Variants in ADGRG4 observed in about 807,000 individuals in gnomAD.
ADGRG4 encodes adhesion G protein-coupled receptor G4, also known as G protein-coupled receptor 112.
In ADGRG4, 122 loss-of-function variants were observed where a neutral mutation model predicts 126.2. The observed-to-expected ratio is 0.97, with a 90% CI of 0.83 to 1.12. The LOEUF (loss-of-function observed/expected upper bound fraction) is 1.12, where lower values mean the gene tolerates loss of function less well. Ranked by LOEUF, ADGRG4 falls within the 50% of genes most tolerant of loss-of-function variation. The pLI is 0.00. For missense variants in ADGRG4, 2,481 were observed against 2,251.8 expected (o/e 1.10, Z -2.06); for synonymous variants, 943 against 838.7 (o/e 1.12, Z -2.15).
chrX:136,396,727 T>A (rs1454979363), intron 19 of ADGRG4, among the ~76,000 whole-genome samples: 3 of 109,691 alleles, frequency 2.7e-5, no homozygotes, highest in Non-Finnish European at 5.7e-5. Context: ...GAAATGTGAA[T>A]GACTGGAATA....
At chrX:136,337,805 A>G (rs984510577) in intron 5 of ADGRG4, among the ~76,000 whole-genome samples, 2 of 112,063 alleles carry the variant, frequency 1.8e-5, no homozygotes, top group African/African-American at 6.5e-5. Context: ...CCTTCCTGGA[A>G]TTTGTTTAGC....
chrX:136,413,238 C>G (rs1382358377), intron 24 of ADGRG4, among the ~76,000 whole-genome samples: 2 of 101,312 alleles, frequency 2.0e-5, no homozygotes, highest in African/African-American at 3.6e-5. Flanking sequence ...TCCCTCCCCC[C>G]TCCCCGCACC....
chrX:136,382,453 G>A (rs1202264806), intron 15 of ADGRG4, among the ~76,000 whole-genome samples: 2 of 112,170 alleles, frequency 1.8e-5, no homozygotes, highest in African/African-American at 3.2e-5. Flanking sequence ...TCATGTGGTC[G>A]TAGCTGGTAT....
intron 2 of ADGRG4, among the ~76,000 whole-genome samples, chrX:136,304,537 A>G (rs2074721473): frequency 8.9e-6 from 1 of 112,185 alleles, no homozygotes; most frequent in Non-Finnish European, 1.9e-5. Flanking sequence ...ATTTCAGCAA[A>G]CATTAATTAA....
At chrX:136,386,936 G>A (rs1168954406) in intron 15 of ADGRG4, among the ~76,000 whole-genome samples, 1 of 112,086 alleles carries the variant, frequency 8.9e-6, no homozygotes, top group Non-Finnish European at 1.9e-5. Context: ...AAATTTATTG[G>A]TTCACAGTTC....
intron 18 of ADGRG4, among the ~76,000 whole-genome samples, chrX:136,394,513 C>T (rs1242537807): frequency 9.0e-6 from 1 of 111,707 alleles, no homozygotes; most frequent in African/African-American, 3.3e-5. Flanking sequence ...TTCTTTCTGA[C>T]AAACAAAAAT....
At chrX:136,413,432 G>A (rs2075457985) in intron 24 of ADGRG4, among the ~76,000 whole-genome samples, 1 of 110,570 alleles carries the variant, frequency 9.0e-6, no homozygotes, top group African/African-American at 3.3e-5. Context: ...CATTTTTTAT[G>A]GCTGCATAGT....
Position 136,345,571 on chromosome X carries a change from T to A in ADGRG4, c.1865T>A (p.Leu622Ter). The change falls in exon 6 of 26, where the codon TTG becomes TAG. Residue 622 changes from leucine (L) to a stop codon, truncating the protein, a stop_gained. Transcript: ENST00000394143. LOFTEE classifies it high-confidence loss of function. ...TPTADGHLLT[L>*]MSTRSASTSK... ...ACAGCTGATGGACACTTGCTTACTT[T>A]GATGTCCACTAGATCAGCTTCCACA... is the stretch of plus-strand genomic sequence containing the variant. 3.3e-6 allele frequency: 4 copies of A among 1,209,996 alleles called. No homozygotes were observed. Among genetic ancestry groups the A allele is most frequent in the Non-Finnish European group, 4.5e-6 (4 of 894,248 alleles).
chrX:136,405,931 AC>A lies in ADGRG4; in HGVS notation c.8895del (p.Phe2967SerfsTer22). 2.6e-6 allele frequency: 3 copies of A among 1,136,480 alleles called. No individual in the cohort carries two copies. The highest frequency in any genetic ancestry group is 3.5e-6 in the Non-Finnish European group (3 of 856,481). 93.7% of individuals were successfully genotyped at this position (1,136,480 alleles called of 1,213,427 possible). A position where few individuals can be genotyped will look rare whatever the true frequency, so the allele number is the denominator to read the frequency against. On this transcript the variant is annotated frameshift_variant, in exon 23 of 26. Transcript: ENST00000394143. LOFTEE classifies it high-confidence loss of function. ...TTTTTTGCTTGGGGACCCATGAGGA[AC>A]TTTTTCTTGTATTTGTTTGCCATTT... ...FAFFAWGPMR[N>X]FFLYLFAIFN...
intron 13 of ADGRG4, among the ~76,000 whole-genome samples, chrX:136,364,333 T>C (rs959780235): frequency 3.6e-5 from 4 of 111,436 alleles, no homozygotes; most frequent in African/African-American, 9.8e-5. Flanking sequence ...GTATATTGTA[T>C]ACACACATAT....
chrX:136,333,224 A>G (rs1242555930), intron 5 of ADGRG4, among the ~76,000 whole-genome samples: 1 of 111,343 alleles, frequency 9.0e-6, no homozygotes, highest in Non-Finnish European at 1.9e-5. Flanking sequence ...TAGACCTAAA[A>G]CCATAAAAAT....
chrX:136,339,617 T>C (rs2074967859), intron 5 of ADGRG4, among the ~76,000 whole-genome samples: 1 of 112,458 alleles, frequency 8.9e-6, no homozygotes, highest in Admixed American at 9.4e-5. Context: ...TGGGCCGCAT[T>C]TTTATGCTGG....
chrX:136,384,860 T>A (rs1204704582), intron 15 of ADGRG4, among the ~76,000 whole-genome samples: 1 of 111,514 alleles, frequency 9.0e-6, no homozygotes, highest in Non-Finnish European at 1.9e-5. Context: ...TTTTCTTTGA[T>A]ATTCTGCAGT....
At position 136,366,262 on chromosome X, in the gene ADGRG4, A is replaced by G. The variant is rs111419904; in HGVS notation, c.7396+2667A>G. 8.2e-3 allele frequency among the ~76,000 whole-genome samples: 924 copies of G among 112,201 alleles called. 5 individuals carry two copies. The highest frequency in any genetic ancestry group is 0.013 in the Non-Finnish European group (717 of 53,206). ...TCTCTGTGTTTTTGCTCTTTCCAGA[A>G]GGCCATATAGTTGGAATCTTACAAT... On this transcript the variant is annotated intron_variant, in intron 13 of 25. Coordinates refer to ENST00000394143, the MANE Select transcript of ADGRG4 (RefSeq NM_153834.4).
intron 13 of ADGRG4, among the ~76,000 whole-genome samples, chrX:136,363,961 C>G (rs1178340894): frequency 2.7e-5 from 3 of 109,771 alleles, no homozygotes; most frequent in South Asian, 4.0e-4. Context: ...AGGCGCCCAC[C>G]ACCATGCCCG....
chrX:136,384,711 C>T (rs1317527429), intron 15 of ADGRG4, among the ~76,000 whole-genome samples: 1 of 111,338 alleles, frequency 9.0e-6, no homozygotes, highest in African/African-American at 3.3e-5. Context: ...TTGGCAAGTC[C>T]TTCCCCCAGC....
chrX:136,334,070 CTCTCTCTTTCTTTCTT>C (rs1569319238), intron 5 of ADGRG4, among the ~76,000 whole-genome samples: 1 of 91,156 alleles, frequency 1.1e-5, no homozygotes, highest in Non-Finnish European at 2.2e-5. Context: ...GGTTGAGGTT[CTCTCTCTTTCTTTCTT>C]TCTTTCTTTC....
intron 5 of ADGRG4, among the ~76,000 whole-genome samples, chrX:136,344,050 T>C (rs185105481): frequency 2.4e-4 from 27 of 112,238 alleles, no homozygotes; most frequent in African/African-American, 7.7e-4. Context: ...AACTGAGTTC[T>C]TATAGCTGTA....
chrX:136,388,872 C>T (rs1052061592), intron 16 of ADGRG4, among the ~76,000 whole-genome samples: 1 of 112,271 alleles, frequency 8.9e-6, no homozygotes, highest in Non-Finnish European at 1.9e-5. Flanking sequence ...AGGAATCAAA[C>T]CCAGGCTATC....
Sources: gnomAD v4.1 joint callset for allele counts (sites outside exome capture counted in the v4.1 genomes callset) on GRCh38, gnomAD v4.1.1 for gene constraint, MANE v1.5 for transcripts, NCBI Gene and HGNC (gene_info 2026-07-23, HGNC 2026-07-21) for gene names.